The following PALS2 variants were observed in gnomAD, a reference collection of about 807,000 sequenced individuals.
PALS2 encodes protein PALS2.
PALS2 carries 27 observed loss-of-function variants against 61.6 expected under a neutral mutation model. That is an observed-to-expected ratio of 0.44 (90% CI 0.32 to 0.60). PALS2 has a LOEUF of 0.60. Ranked by LOEUF, PALS2 falls within the 20% of genes least tolerant of loss-of-function variation. The pLI is 0.05. For missense variants in PALS2, 554 were observed against 639.4 expected, an observed-to-expected ratio of 0.87 and a Z score of 1.44; for synonymous variants, 236 against 218.6, an observed-to-expected ratio of 1.08 and a Z score of -0.70.
intron 1 of PALS2, among the ~76,000 whole-genome samples, chr7:24,617,792 G>A (rs78360883): frequency 0.016 from 2,451 of 152,274 alleles, 79 homozygotes; most frequent in African/African-American, 0.057. Flanking sequence ...GGCTTGCTGG[G>A]ATTATGGCCA....
At chr7:24,574,300 T>A (rs547138023) in intron 1 of PALS2, 1 of 152,240 alleles carries the variant, frequency 6.6e-6, no homozygotes, top group Non-Finnish European at 1.5e-5. Context: ...TGAAACCAAA[T>A]AGGTGCTGGG....
intron 1 of PALS2, among the ~76,000 whole-genome samples, chr7:24,619,742 A>T (rs900638722): frequency 1.3e-5 from 2 of 151,696 alleles, no homozygotes; most frequent in African/African-American, 4.8e-5. Flanking sequence ...AAAAGAAAGA[A>T]AAAAGAATCC....
chr7:24,672,144 C>T (rs531166519), intron 9 of PALS2, among the ~76,000 whole-genome samples: 1 of 150,900 alleles, frequency 6.6e-6, no homozygotes, highest in South Asian at 2.1e-4. Context: ...GGAAGCTTAT[C>T]TTATAATTTA....
chr7:24,672,613 A>G (rs919914322), intron 9 of PALS2, among the ~76,000 whole-genome samples: 3 of 152,256 alleles, frequency 2.0e-5, no homozygotes, highest in Non-Finnish European at 2.9e-5. Context: ...TTGTACAAAT[A>G]TTATGCTGCT....
rs1432997803 is a variant in PALS2 at position 24,691,391 on chromosome 7, G to GTGTGTGTT, written c.*3784_*3785insTTGTGTGT. The GTGTGTGTT allele has an allele frequency of 1.6e-3, 157 of 100,362 alleles. No homozygotes were observed. Among genetic ancestry groups the GTGTGTGTT allele is most frequent in the African/African-American group, 4.4e-3 (131 of 29,704 alleles). The allele number at this position is 100,362 out of a possible 1,614,324, so 6.2% of individuals were successfully genotyped here. A position where few individuals can be genotyped will look rare whatever the true frequency, so the allele number is the denominator to read the frequency against. Reference sequence around the variant, plus strand: ...GTTCGAGTTGCCATATATTATGTATGTGTGTGTGTGTGTGTATATATATAT... The same window carrying GTGTGTGTT: ...GTTCGAGTTGCCATATATTATGTATGTGTGTGTTTGTGTGTGTGTGTGTATATATATAT... On this transcript the variant is annotated 3_prime_UTR_variant, in exon 12 of 12. Coordinates refer to ENST00000222644, the MANE Select transcript of PALS2 (RefSeq NM_001303037.2).
Position 24,618,100 on chromosome 7 carries a change from A to C in PALS2, c.-2-5566A>C, listed in dbSNP as rs1269784439. On this transcript the variant is annotated intron_variant, in intron 1 of 11. Transcript: ENST00000222644. The surrounding 1 kb of genome is among the most constrained non-coding windows in gnomAD (Gnocchi z 5.1). ...GCCAGTTCAAGGACATCTTCACCAG[A>C]GGCTAGCCTGCCAGGCTGTTTTTCA... is the stretch of plus-strand genomic sequence containing the variant. Among the ~76,000 whole-genome samples, 1 of 152,108 alleles carries C rather than the reference A, an allele frequency of 6.6e-6. No homozygotes were observed. The highest frequency in any genetic ancestry group is 6.5e-5 in the Admixed American group (1 of 15,274).
intron 1 of PALS2, among the ~76,000 whole-genome samples, chr7:24,576,470 T>TC (rs1782646582): frequency 6.6e-6 from 1 of 152,212 alleles, no homozygotes; most frequent in Non-Finnish European, 1.5e-5. Flanking sequence ...GAAGCAAGTC[T>TC]CAATCAAGGT....
intron 1 of PALS2, among the ~76,000 whole-genome samples, chr7:24,579,890 C>A (rs1046048108): frequency 6.6e-6 from 1 of 151,912 alleles, no homozygotes; most frequent in Non-Finnish European, 1.5e-5. Flanking sequence ...TTCATAGTTG[C>A]TTTGTTCTGT....
Position 24,687,641 on chromosome 7 carries a change from T to A in PALS2, c.*27T>A. The A allele has an allele frequency of 6.4e-7, 1 of 1,562,292 alleles. No homozygotes were observed. The highest frequency in any genetic ancestry group is 8.6e-7 in the Non-Finnish European group (1 of 1,159,722). ...GATTCAGTAAGGTTAACAATGAAAA[T>A]TAAACTCTTAAAAAGTGACTGCAAC... is the stretch of plus-strand genomic sequence containing the variant. On this transcript the variant is annotated 3_prime_UTR_variant, in exon 12 of 12. Coordinates refer to ENST00000222644, the MANE Select transcript of PALS2 (RefSeq NM_001303037.2). This position sits in a 1 kb window ranked among gnomAD's most constrained non-coding sequence, Gnocchi z 4.5.
intron 2 of PALS2, among the ~76,000 whole-genome samples, chr7:24,633,349 A>AG (rs1199163810): frequency 8.5e-6 from 1 of 117,932 alleles, no homozygotes; most frequent in Non-Finnish European, 1.8e-5. Flanking sequence ...AGGTTGGTGG[A>AG]GTTTTTTTTT....
At chr7:24,580,890 A>G (rs1782815724) in intron 1 of PALS2, among the ~76,000 whole-genome samples, 1 of 152,214 alleles carries the variant, frequency 6.6e-6, no homozygotes, top group Admixed American at 6.5e-5. Flanking sequence ...CTCTCCACAC[A>G]TTATCTCATC....
Position 24,679,221 on chromosome 7 carries a change from G to C in PALS2, c.1205G>C (p.Gly402Ala). 1 of 1,614,024 alleles carries C rather than the reference G, an allele frequency of 6.2e-7. No homozygotes were observed. Among genetic ancestry groups the C allele is most frequent in the Non-Finnish European group, 8.5e-7 (1 of 1,179,902 alleles). Residue 402 changes from glycine (G) to alanine (A), a missense_variant, in exon 10 of 12, where the codon GGA becomes GCA. By Grantham distance (60) the Gly-to-Ala change is moderately conservative. Coordinates refer to ENST00000222644, the MANE Select transcript of PALS2 (RefSeq NM_001303037.2). ...RSEMEADIKA[G>A]KYLEHGEYEG... ...GAGATGGAAGCAGATATTAAAGCTGGAAAGTATTTGGAACATGGGGAATAT... is the reference window on the plus strand; with the variant it reads ...GAGATGGAAGCAGATATTAAAGCTGCAAAGTATTTGGAACATGGGGAATAT...
intron 1 of PALS2, among the ~76,000 whole-genome samples, chr7:24,592,814 A>C (rs546306435): frequency 6.6e-6 from 1 of 152,146 alleles, no homozygotes; most frequent in Non-Finnish European, 1.5e-5. Flanking sequence ...GCTAGTAATC[A>C]TCAGAGCCTT....
rs1393379227 is a variant in PALS2 at position 24,693,996 on chromosome 7, T to C, written c.*6382T>C. ...TTTTTGAAGTAACTGTAGAAGAGAA[T>C]CTTTAAAAAAAAAAATGGAGGGCAG... On this transcript the variant is annotated 3_prime_UTR_variant, in exon 12 of 12. Transcript: ENST00000222644. 1 of 151,464 alleles carries C rather than the reference T, an allele frequency of 6.6e-6. No individual in the cohort carries two copies. The highest frequency in any genetic ancestry group is 1.5e-5 in the Non-Finnish European group (1 of 67,884). The allele number at this position is 151,464 out of a possible 1,614,324, so 9.4% of individuals were successfully genotyped here.
chr7:24,596,754 A>G lies in PALS2; in HGVS notation c.-3+23161A>G, dbSNP rs1463957789. 6.6e-6 allele frequency among the ~76,000 whole-genome samples: 1 copy of G among 152,198 alleles called. No homozygotes were observed. Among genetic ancestry groups the G allele is most frequent in the Non-Finnish European group, 1.5e-5 (1 of 68,026 alleles). ...ATATCTAGCTTTCTCCTGTGTGAGCACTACACTTTAACAAGGATATTTCTG... is the reference window on the plus strand; with the variant it reads ...ATATCTAGCTTTCTCCTGTGTGAGCGCTACACTTTAACAAGGATATTTCTG... On this transcript the variant is annotated intron_variant, in intron 1 of 11. Transcript: ENST00000222644. The surrounding 1 kb of genome is among the most constrained non-coding windows in gnomAD (Gnocchi z 4.5).
At chr7:24,666,139 A>C in intron 8 of PALS2, 50 bp downstream of exon 8, 1 of 1,490,288 alleles carries the variant, frequency 6.7e-7, no homozygotes, top group Non-Finnish European at 9.3e-7. Flanking sequence ...GCTATATGTC[A>C]TTTAGTGTGG....
In PALS2 at chr7:24,633,756, G is replaced by A. The variant is rs372739167; in HGVS notation, c.118-7960G>A. On this transcript the variant is annotated intron_variant, in intron 2 of 11. Coordinates refer to ENST00000222644, the MANE Select transcript of PALS2 (RefSeq NM_001303037.2). ...GTAGACGTAGTTTTTTATTTCTCCT[G>A]TGTATATAAGTAGGTAACTGTGTTT... 1.1e-4 allele frequency among the ~76,000 whole-genome samples: 17 copies of A among 152,214 alleles called. 1 individual carries two copies. The highest frequency in any genetic ancestry group is 7.2e-4 in the Admixed American group (11 of 15,282).
chr7:24,673,764 AT>A (rs1260755808), intron 9 of PALS2, among the ~76,000 whole-genome samples: 2 of 150,702 alleles, frequency 1.3e-5, no homozygotes, highest in Non-Finnish European at 3.0e-5. Context: ...GATTTTCTGT[AT>A]TTTTTCTACT....
chr7:24,679,047 A>G, intron 9 of PALS2, 84 bp from the exon 10 acceptor site: 1 of 1,240,484 alleles, frequency 8.1e-7, no homozygotes, highest in Non-Finnish European at 1.2e-6. Flanking sequence ...CAGTGGAAAA[A>G]CGTTAAGCCA....
Sources: gnomAD v4.1 joint callset for allele counts (sites outside exome capture counted in the v4.1 genomes callset) on GRCh38, gnomAD v4.1.1 for gene constraint, Gnocchi (gnomAD v3.1) non-coding constraint, MANE v1.5 for transcripts, NCBI Gene and HGNC (gene_info 2026-07-23, HGNC 2026-07-21) for gene names.